CLCNKB: variants seen among roughly 807,000 people sequenced by gnomAD.
The protein encoded by CLCNKB is chloride channel protein ClC-Kb.
In CLCNKB, 74 loss-of-function variants were observed where a neutral mutation model predicts 83.8. The observed-to-expected ratio is 0.88, with a 90% CI of 0.73 to 1.07. The LOEUF (loss-of-function observed/expected upper bound fraction) is 1.07. Among genes scored for constraint, CLCNKB ranks in the 50% least tolerant of loss-of-function variants. The probability of loss-of-function intolerance (pLI) is 0.00; values close to 1 mark genes in which losing one functional copy is unlikely to be tolerated. For missense variants in CLCNKB, 798 were observed against 893.6 expected, an observed-to-expected ratio of 0.89 and a Z score of 1.36; for synonymous variants, 358 against 356.6, an observed-to-expected ratio of 1.00 and a Z score of -0.04.
Position 16,045,644 on chromosome 1 carries a change from G to T in CLCNKB, c.187G>T (p.Val63Phe). Reference sequence around the variant, plus strand: ...GACCCTCGGGGTGCTCATGGCCCTGGTCAGCTGTGCCATGGACTTGGCTGT... The same window carrying T: ...GACCCTCGGGGTGCTCATGGCCCTGTTCAGCTGTGCCATGGACTTGGCTGT... ...LMTLGVLMAL[V>F]SCAMDLAVES... The change falls in exon 3 of 20, where the codon GTC (valine) becomes TTC (phenylalanine). Residue 63 changes from valine to phenylalanine, a missense_variant. By Grantham distance (50) the Val-to-Phe change is conservative. Coordinates refer to ENST00000375679, the MANE Select transcript of CLCNKB (RefSeq NM_000085.5). 6.2e-7 allele frequency: 1 copy of T among 1,614,064 alleles called. No homozygotes were observed. Among genetic ancestry groups the T allele is most frequent in the African/African-American group, 1.3e-5 (1 of 75,046 alleles).
At chr1:16,047,775 A>G in intron 4 of CLCNKB, 130 bp from the exon 5 acceptor site, 1 of 1,120,260 alleles carries the variant, frequency 8.9e-7, no homozygotes. Flanking sequence ...TCCCCAAAGG[A>G]AAATAATCCT....
In CLCNKB at chr1:16,051,040, G is replaced by A; in HGVS notation, c.1219G>A (p.Val407Ile). ...TIFGTLAFFL[V>I]MKFWMLILAT... The stretch of plus-strand genomic sequence containing the variant: ...CTTTGGGACCCTTGCCTTCTTCCTG[G>A]TTATGAAGGTGGGCCCCCTGGTCCC... Residue 407 changes from valine to isoleucine, a missense_variant, in exon 12 of 20, where the codon GTT (valine) becomes ATT (isoleucine). Physicochemically the swap from Val to Ile is conservative, Grantham distance 29 (BLOSUM62 3). Transcript: ENST00000375679. 1 of 1,614,008 alleles carries A rather than the reference G, an allele frequency of 6.2e-7. No individual in the cohort carries two copies. Among genetic ancestry groups the A allele is most frequent in the South Asian group, 1.1e-5 (1 of 91,074 alleles).
chr1:16,044,127 C>T (rs939329262), intron 1 of CLCNKB, among the ~76,000 whole-genome samples: 19 of 152,072 alleles, frequency 1.2e-4, no homozygotes, highest in African/African-American at 4.3e-4. Flanking sequence ...AGACTGCTCC[C>T]AGCAGTGGAA....
In CLCNKB at chr1:16,051,004, C is replaced by A. The variant is rs34255952; in HGVS notation, c.1183C>A (p.Arg395=). Residue 395 remains arginine (R), a synonymous_variant, in exon 12 of 20, where the codon CGG becomes AGG. Transcript: ENST00000375679. ...CCTGTGGTGGGAATGGTACCACCCG[C>A]GGTTCACCATCTTTGGGACCCTTGC... ...QHLWWEWYHP[R]FTIFGTLAFF... is the part of the protein sequence containing the mutation. 1 of 1,614,074 alleles carries A rather than the reference C, an allele frequency of 6.2e-7. No homozygotes were observed. The highest frequency in any genetic ancestry group is 8.5e-7 in the Non-Finnish European group (1 of 1,180,018).
At position 16,046,671 on chromosome 1, in the gene CLCNKB, C is replaced by T; in HGVS notation, c.358+8C>T. The T allele has an allele frequency of 1.2e-6, 2 of 1,612,568 alleles. No individual in the cohort carries two copies. The highest frequency in any genetic ancestry group is 1.7e-6 in the Non-Finnish European group (2 of 1,179,576). ...TCACACCCTCCTCTGGAGGTGAGTCCACAGTCGCTACGCCAGTCCCCACTG... is the reference window on the plus strand; with the variant it reads ...TCACACCCTCCTCTGGAGGTGAGTCTACAGTCGCTACGCCAGTCCCCACTG... On this transcript the variant is annotated splice_region_variant and intron_variant, in intron 4 of 19. Coordinates refer to ENST00000375679, the MANE Select transcript of CLCNKB (RefSeq NM_000085.5).
intron 3 of CLCNKB, among the ~76,000 whole-genome samples, chr1:16,045,954 C>A (rs567600823): frequency 6.6e-6 from 1 of 152,350 alleles, no homozygotes; most frequent in South Asian, 2.1e-4. Flanking sequence ...CCTCTTCCAG[C>A]CACCCTGTTT....
At chr1:16,045,722 G>A (rs746245249) in intron 3 of CLCNKB, 36 bp downstream of exon 3, 2 of 1,600,994 alleles carry the variant, frequency 1.2e-6, no homozygotes, top group Non-Finnish European at 8.5e-7. Context: ...TCTGGGCCAA[G>A]GGATTCTGAG....
intron 9 of CLCNKB, 22 bp from the exon 10 acceptor site, chr1:16,049,793 C>A: frequency 5.6e-6 from 9 of 1,613,784 alleles, no homozygotes; most frequent in African/African-American, 1.3e-5. Context: ...GGGCTCTGGG[C>A]TCATGTCTCC....
chr1:16,051,616 C>T, intron 13 of CLCNKB, 69 bp downstream of exon 13: 1 of 1,607,084 alleles, frequency 6.2e-7, no homozygotes, highest in Non-Finnish European at 8.5e-7. Context: ...TCCTGGTTCA[C>T]CCTCCCCAGG....
chr1:16,052,305 C>G lies in CLCNKB; in HGVS notation c.1516C>G (p.Leu506Val). ...TGCACTGCCCGTGCTGATGGCGGTG[C>G]TGGCAGCCAACGCCATTGCACAGAG... ...VHALPVLMAV[L>V]AANAIAQSCQ... The change falls in exon 15 of 20, where the codon CTG becomes GTG. Residue 506 changes from leucine (L) to valine (V), a missense_variant. Leu to Val is a conservative substitution (Grantham distance 32, BLOSUM62 1). Coordinates refer to ENST00000375679, the MANE Select transcript of CLCNKB (RefSeq NM_000085.5). 3.7e-6 allele frequency: 6 copies of G among 1,613,176 alleles called. No individual in the cohort carries two copies. Among genetic ancestry groups the G allele is most frequent in the Non-Finnish European group, 5.1e-6 (6 of 1,180,040 alleles).
In CLCNKB at chr1:16,045,667, T is replaced by C. The variant is rs767320052; in HGVS notation, c.210T>C (p.Ala70=). ...TGGTCAGCTGTGCCATGGACTTGGCTGTTGAGAGTGTGGTCCGAGGTAACC... is the reference window on the plus strand; with the variant it reads ...TGGTCAGCTGTGCCATGGACTTGGCCGTTGAGAGTGTGGTCCGAGGTAACC... ...MALVSCAMDL[A]VESVVRAHQW... The change falls in exon 3 of 20, where the codon GCT becomes GCC. Residue 70 remains alanine (A), a synonymous_variant. Coordinates refer to ENST00000375679, the MANE Select transcript of CLCNKB (RefSeq NM_000085.5). 5 of 1,613,842 alleles carry C rather than the reference T, an allele frequency of 3.1e-6. No individual in the cohort carries two copies. The highest frequency in any genetic ancestry group is 2.5e-6 in the Non-Finnish European group (3 of 1,179,784).
intron 13 of CLCNKB, 30 bp from the exon 14 acceptor site, chr1:16,051,679 TG>T (rs1363331499): frequency 1.2e-6 from 2 of 1,606,942 alleles, no homozygotes; most frequent in East Asian, 4.5e-5. Context: ...CGGGTCAGCC[TG>T]GCTCCCCCTC....
In CLCNKB at chr1:16,055,524, G is replaced by A; in HGVS notation, c.1845+1G>A. ...TCCTTCCTGGGCTCCTGGACACCAGGTGGGTACTCCTGAGGGGCATGGGGA... is the reference window on the plus strand; with the variant it reads ...TCCTTCCTGGGCTCCTGGACACCAGATGGGTACTCCTGAGGGGCATGGGGA... On this transcript the variant is annotated splice_donor_variant, in intron 17 of 19. Transcript: ENST00000375679. LOFTEE classifies it high-confidence loss of function. 1 of 1,604,580 alleles carries A rather than the reference G, an allele frequency of 6.2e-7. No individual in the cohort carries two copies. The highest frequency in any genetic ancestry group is 8.5e-7 in the Non-Finnish European group (1 of 1,172,938).
In CLCNKB at chr1:16,045,214, G is replaced by A. The variant is rs539886908; in HGVS notation, c.101-344G>A. On this transcript the variant is annotated intron_variant, in intron 2 of 19. Transcript: ENST00000375679. The stretch of plus-strand genomic sequence containing the variant: ...AGATCCTGGTGCTCTCTAAGCTATG[G>A]ACTCTGCGGGGATGCAGGTGAAAGC... Among the ~76,000 whole-genome samples the A allele has an allele frequency of 3.3e-5, 5 of 152,280 alleles. No individual in the cohort carries two copies. In the South Asian group the frequency reaches 6.2e-4, roughly 19 times the overall value.
At chr1:16,045,456 C>A in intron 2 of CLCNKB, 102 bp from the exon 3 acceptor site, 2 of 1,428,250 alleles carry the variant, frequency 1.4e-6, no homozygotes, top group Non-Finnish European at 1.9e-6. Context: ...AGCTCCATCC[C>A]CCTGCCCCAG....
intron 18 of CLCNKB, 140 bp downstream of exon 18, chr1:16,055,898 C>A: frequency 2.5e-6 from 2 of 786,968 alleles, no homozygotes; most frequent in African/African-American, 1.7e-5. Context: ...GGGCCAGTGT[C>A]CTCATCAGCA....
intron 10 of CLCNKB, 84 bp downstream of exon 10, chr1:16,050,000 G>A (rs2023236780): frequency 2.2e-5 from 18 of 835,428 alleles, no homozygotes; most frequent in East Asian, 5.5e-5. Flanking sequence ...AGCTCTACCC[G>A]CCACCTGAGC....
At chr1:16,045,456 C>T in intron 2 of CLCNKB, 102 bp from the exon 3 acceptor site, 2 of 1,428,252 alleles carry the variant, frequency 1.4e-6, no homozygotes, top group Non-Finnish European at 1.9e-6. Context: ...AGCTCCATCC[C>T]CCTGCCCCAG....
At chr1:16,055,288 A>C (rs1170546329) in intron 16 of CLCNKB, 147 bp from the exon 17 acceptor site, 30 of 747,410 alleles carry the variant, frequency 4.0e-5, no homozygotes, top group Non-Finnish European at 6.6e-5. Flanking sequence ...TCTGAGCCAA[A>C]GTTTCCTGTC....
Sources: allele counts gnomAD v4.1 joint callset (sites outside exome capture counted in the v4.1 genomes callset), GRCh38; gene constraint gnomAD v4.1.1; transcripts MANE v1.5; gene names NCBI Gene and HGNC (gene_info 2026-07-23, HGNC 2026-07-21).